Variants in ROBO2 observed in about 807,000 individuals in gnomAD.
ROBO2 encodes roundabout homolog 2.
In ROBO2, 53 loss-of-function variants were observed where a neutral mutation model predicts 160.8. The observed-to-expected ratio is 0.33, with a 90% CI of 0.26 to 0.41. ROBO2 has a LOEUF of 0.41. ROBO2 is among the 10% of genes least tolerant of loss of function. ROBO2 has a pLI of 1.00. For missense variants in ROBO2, 1,577 were observed against 1,722.4 expected (o/e 0.92, Z 1.49); for synonymous variants, 664 against 611.7 (o/e 1.09, Z -1.26).
chr3:75,939,959 G>C lies in ROBO2; in HGVS notation c.109+2357G>C, dbSNP rs562845618. ...CATTAAATATTGGTTATTGTGACCCGCAATGTCCAAGATTATGATTAAGTA... is the reference window on the plus strand; with the variant it reads ...CATTAAATATTGGTTATTGTGACCCCCAATGTCCAAGATTATGATTAAGTA... On this transcript the variant is annotated intron_variant, in intron 2 of 26. Coordinates refer to the ROBO2 transcript ENST00000487694. Among the ~76,000 whole-genome samples the C allele has an allele frequency of 2.0e-5, 3 of 151,840 alleles. No homozygotes were observed. In the East Asian group the frequency reaches 5.8e-4, roughly 29 times the overall value.
intron 2 of ROBO2, among the ~76,000 whole-genome samples, chr3:76,313,064 A>G (rs1037954733): frequency 2.6e-5 from 4 of 152,250 alleles, no homozygotes; most frequent in Non-Finnish European, 5.9e-5. Context: ...ATGATGATAC[A>G]ACTCAGTTAA....
At chr3:77,004,004 T>A (rs2061457894) in intron 2 of ROBO2, among the ~76,000 whole-genome samples, 2 of 152,198 alleles carry the variant, frequency 1.3e-5, no homozygotes, top group African/African-American at 2.4e-5. Context: ...ACTTAAAACA[T>A]GTTTTTATAC....
At chr3:77,055,972 G>A (rs962964659) in intron 1 of ROBO2, among the ~76,000 whole-genome samples, 2 of 152,190 alleles carry the variant, frequency 1.3e-5, no homozygotes, top group Non-Finnish European at 2.9e-5. Context: ...ACAAATGACT[G>A]CACAATACCA....
intron 2 of ROBO2, among the ~76,000 whole-genome samples, chr3:76,802,175 G>A (rs893582910): frequency 6.6e-6 from 1 of 152,172 alleles, no homozygotes; most frequent in Non-Finnish European, 1.5e-5. Context: ...AGCACACGCT[G>A]CTGGAACAAT....
intron 2 of ROBO2, among the ~76,000 whole-genome samples, chr3:76,628,181 A>C (rs2089787192): frequency 6.6e-6 from 1 of 152,188 alleles, no homozygotes; most frequent in Non-Finnish European, 1.5e-5. Context: ...CACTAGAGAT[A>C]TCTTTTGTCC....
intron 2 of ROBO2, among the ~76,000 whole-genome samples, chr3:76,400,156 C>T (rs979606351): frequency 6.6e-6 from 1 of 151,596 alleles, no homozygotes; most frequent in Non-Finnish European, 1.5e-5. Flanking sequence ...GAAGTTTGCA[C>T]TTGGAAAACA....
chr3:76,970,423 C>A (rs1421321345), intron 2 of ROBO2, among the ~76,000 whole-genome samples: 1 of 152,002 alleles, frequency 6.6e-6, no homozygotes, highest in Non-Finnish European at 1.5e-5. Flanking sequence ...TGAGAGGTGA[C>A]CTCACTTCAT....
chr3:76,740,234 G>GA (rs1437446728), intron 2 of ROBO2, among the ~76,000 whole-genome samples: 1 of 152,146 alleles, frequency 6.6e-6, no homozygotes, highest in East Asian at 1.9e-4. Context: ...AATGTCTTGT[G>GA]AAAACCTCGA....
intron 2 of ROBO2, among the ~76,000 whole-genome samples, chr3:76,557,407 C>T (rs562020680): frequency 2.0e-5 from 3 of 151,570 alleles, no homozygotes; most frequent in East Asian, 1.9e-4. Flanking sequence ...CAAATTAGTA[C>T]GGTAAGGTTT....
intron 2 of ROBO2, among the ~76,000 whole-genome samples, chr3:76,949,393 T>C (rs554487100): frequency 6.6e-6 from 1 of 152,340 alleles, no homozygotes; most frequent in East Asian, 1.9e-4. Flanking sequence ...TCTTCTTGAC[T>C]TATCCTGACT....
intron 4 of ROBO2, among the ~76,000 whole-genome samples, chr3:77,489,070 A>G (rs2085737629): frequency 6.6e-6 from 1 of 152,220 alleles, no homozygotes; most frequent in Admixed American, 6.5e-5. Flanking sequence ...AATTGTTAGA[A>G]AGGGTGCTAT....
chr3:77,624,891 G>A (rs2094977258), intron 23 of ROBO2, among the ~76,000 whole-genome samples: 1 of 152,108 alleles, frequency 6.6e-6, no homozygotes, highest in Admixed American at 6.5e-5. Flanking sequence ...TCCAGTCCCT[G>A]CAACTCTGAA....
At chr3:76,809,358 C>A (rs2108965327) in intron 2 of ROBO2, among the ~76,000 whole-genome samples, 1 of 152,240 alleles carries the variant, frequency 6.6e-6, no homozygotes, top group East Asian at 1.9e-4. Context: ...TAGAGGCTGC[C>A]TGATTTCCAC....
chr3:76,192,509 G>C (rs897889341), intron 2 of ROBO2, among the ~76,000 whole-genome samples: 2 of 145,382 alleles, frequency 1.4e-5, no homozygotes, highest in African/African-American at 5.2e-5. Context: ...TCTAAACTTT[G>C]CGTCCAACAC....
intron 2 of ROBO2, among the ~76,000 whole-genome samples, chr3:76,244,705 G>A (rs957837991): frequency 6.6e-6 from 1 of 152,090 alleles, no homozygotes; most frequent in Non-Finnish European, 1.5e-5. Flanking sequence ...TCTAGACCTC[G>A]CACTGAGGCA....
chr3:76,948,946 T>A (rs1214304434), intron 2 of ROBO2, among the ~76,000 whole-genome samples: 3 of 135,098 alleles, frequency 2.2e-5, no homozygotes, highest in Admixed American at 7.7e-5. Context: ...AGATGGGGTT[T>A]CACCATGTTG....
intron 2 of ROBO2, among the ~76,000 whole-genome samples, chr3:76,918,643 G>A (rs2076474223): frequency 1.3e-5 from 2 of 152,028 alleles, no homozygotes; most frequent in Non-Finnish European, 1.5e-5. Flanking sequence ...ATTTGCCTAT[G>A]CATTTATTTA....
intron 2 of ROBO2, among the ~76,000 whole-genome samples, chr3:76,028,904 C>T (rs1470314206): frequency 6.6e-6 from 1 of 152,058 alleles, no homozygotes; most frequent in Non-Finnish European, 1.5e-5. Context: ...AGCCCTATCA[C>T]TGGCATTCCA....
chr3:76,970,885 C>T (rs2059538581), intron 2 of ROBO2, among the ~76,000 whole-genome samples: 1 of 152,090 alleles, frequency 6.6e-6, no homozygotes, highest in African/African-American at 2.4e-5. Context: ...CTTATGTCAT[C>T]CTGTTACCAT....
Sources: gnomAD v4.1 joint callset for allele counts (sites outside exome capture counted in the v4.1 genomes callset) on GRCh38, gnomAD v4.1.1 for gene constraint, MANE v1.5 for transcripts, NCBI Gene and HGNC (gene_info 2026-07-23, HGNC 2026-07-21) for gene names.